The following SNTG1 variants were observed in gnomAD, a reference collection of about 807,000 sequenced individuals.
The protein encoded by SNTG1 is syntrophin gamma 1, also known as gamma-1-syntrophin.
In SNTG1, 39 loss-of-function variants were observed where a neutral mutation model predicts 74.7. That is an observed-to-expected ratio of 0.52 (90% CI 0.40 to 0.68). SNTG1 has a LOEUF of 0.68. SNTG1 is among the 30% of genes least tolerant of loss of function. The pLI is 0.00. For missense variants in SNTG1, 685 were observed against 609.5 expected (o/e 1.12, Z -1.30); for synonymous variants, 254 against 217.1 (o/e 1.17, Z -1.49).
At chr8:50,430,373 T>A (rs953168290) in intron 4 of SNTG1, among the ~76,000 whole-genome samples, 1 of 152,168 alleles carries the variant, frequency 6.6e-6, no homozygotes, top group Admixed American at 6.5e-5. Context: ...CCCCAACTAG[T>A]TTCCACAACC....
intron 1 of SNTG1, among the ~76,000 whole-genome samples, chr8:50,097,347 T>C: frequency 6.6e-6 from 1 of 152,210 alleles, no homozygotes; most frequent in South Asian, 2.1e-4. Context: ...TAGGAACTAA[T>C]AGTTTTAAAC....
intron 10 of SNTG1, 110 bp from the exon 11 acceptor site, chr8:50,536,567 CT>C: frequency 7.5e-7 from 1 of 1,331,072 alleles, no homozygotes; most frequent in East Asian, 2.3e-5. Flanking sequence ...CCATTAAAGT[CT>C]TTTGATCATT....
At chr8:50,479,829 T>A (rs928846203) in intron 8 of SNTG1, among the ~76,000 whole-genome samples, 4 of 152,186 alleles carry the variant, frequency 2.6e-5, no homozygotes, top group African/African-American at 9.7e-5. Context: ...TTGAAAAACC[T>A]GAATTGTTTT....
chr8:50,451,358 G>T (rs6990475), intron 8 of SNTG1, among the ~76,000 whole-genome samples: 166 of 152,186 alleles, frequency 1.1e-3, no homozygotes, highest in African/African-American at 3.5e-3. Flanking sequence ...CACGGGTGTT[G>T]GTATCCTCTG....
At chr8:50,290,787 C>A (rs773410786) in intron 2 of SNTG1, among the ~76,000 whole-genome samples, 1 of 151,974 alleles carries the variant, frequency 6.6e-6, no homozygotes, top group Non-Finnish European at 1.5e-5. Flanking sequence ...GAGACAGGGT[C>A]TCTGTTTGTC....
At chr8:50,664,665 G>C (rs1023532207) in intron 15 of SNTG1, among the ~76,000 whole-genome samples, 1 of 152,146 alleles carries the variant, frequency 6.6e-6, no homozygotes, top group Admixed American at 6.6e-5. Flanking sequence ...TTAGCCCAGG[G>C]ACAGCTACCA....
intron 2 of SNTG1, among the ~76,000 whole-genome samples, chr8:50,232,048 G>GA (rs994636249): frequency 6.6e-6 from 1 of 151,268 alleles, no homozygotes; most frequent in African/African-American, 2.4e-5. Flanking sequence ...ACGTCTTCCT[G>GA]AAAATGAAAG....
chr8:50,422,582 A>C (rs2093106119), intron 4 of SNTG1, among the ~76,000 whole-genome samples: 1 of 146,232 alleles, frequency 6.8e-6, no homozygotes, highest in Non-Finnish European at 1.5e-5. Flanking sequence ...ATCTCTCCAA[A>C]AGCTCATAGG....
intron 12 of SNTG1, among the ~76,000 whole-genome samples, chr8:50,564,516 G>C (rs1444464672): frequency 6.6e-6 from 1 of 151,980 alleles, no homozygotes; most frequent in South Asian, 2.1e-4. Flanking sequence ...CCCAATTCTT[G>C]TGCTGGCTGC....
intron 1 of SNTG1, among the ~76,000 whole-genome samples, chr8:50,088,757 G>T (rs1823165245): frequency 6.7e-6 from 1 of 148,322 alleles, no homozygotes; most frequent in South Asian, 2.2e-4. Flanking sequence ...AATAACAGAG[G>T]ATACAAACAA....
intron 2 of SNTG1, among the ~76,000 whole-genome samples, chr8:50,207,413 C>T (rs1033918408): frequency 6.6e-6 from 1 of 151,996 alleles, no homozygotes; most frequent in Non-Finnish European, 1.5e-5. Flanking sequence ...GAGGGGATAT[C>T]CCCTTTATCA....
chr8:50,075,047 C>T (rs573736658), intron 1 of SNTG1, among the ~76,000 whole-genome samples: 11 of 152,316 alleles, frequency 7.2e-5, no homozygotes, highest in Admixed American at 2.6e-4. Flanking sequence ...CCAGCACTGC[C>T]GGCCGCCCAC....
intron 1 of SNTG1, among the ~76,000 whole-genome samples, chr8:50,061,177 A>G (rs527272921): frequency 1.2e-4 from 18 of 152,260 alleles, no homozygotes; most frequent in African/African-American, 4.1e-4. Context: ...ATTTAAGCCT[A>G]AAGACTTTAC....
At chr8:50,745,587 TAAAC>T (rs1214216899) in intron 17 of SNTG1, among the ~76,000 whole-genome samples, 4 of 152,000 alleles carry the variant, frequency 2.6e-5, no homozygotes, top group African/African-American at 9.7e-5. Context: ...AGCAGGGACT[TAAAC>T]AGATACTTGT....
intron 2 of SNTG1, among the ~76,000 whole-genome samples, chr8:50,280,146 G>A (rs1281938734): frequency 1.3e-5 from 2 of 152,196 alleles, no homozygotes; most frequent in African/African-American, 4.8e-5. Context: ...GTGAGTGATA[G>A]GCGTGAGCCC....
chr8:50,284,767 TA>T (rs1488548555), intron 2 of SNTG1, among the ~76,000 whole-genome samples: 3 of 152,148 alleles, frequency 2.0e-5, no homozygotes, highest in Non-Finnish European at 4.4e-5. Context: ...AACTGTACAC[TA>T]AAAGATGGTA....
Position 50,553,082 on chromosome 8 carries a change from G to A in SNTG1, c.713G>A (p.Gly238Glu), listed in dbSNP as rs2094436455. The change falls in exon 12 of 19, where the codon GGG (glycine) becomes GAG (glutamate). Residue 238 changes from glycine to glutamate, a missense_variant. Coordinates refer to ENST00000642720, the MANE Select transcript of SNTG1 (RefSeq NM_018967.5). ...GCCTTTCAAGTCATTGCTGTGGATG[G>A]GGTCTGCACTGGGATTATTCAGTGC... ...QNAFQVIAVD[G>E]VCTGIIQCLS... 1 of 1,613,768 alleles carries A rather than the reference G, an allele frequency of 6.2e-7. No homozygotes were observed. Among genetic ancestry groups the A allele is most frequent in the Non-Finnish European group, 8.5e-7 (1 of 1,179,844 alleles).
chr8:50,183,486 TC>T (rs1469674807), intron 2 of SNTG1, among the ~76,000 whole-genome samples: 3 of 152,176 alleles, frequency 2.0e-5, no homozygotes, highest in African/African-American at 7.2e-5. Flanking sequence ...GCTGAAGACT[TC>T]CAGTCCTCAA....
Position 50,118,688 on chromosome 8 carries a change from G to A in SNTG1, c.-102-53873G>A, listed in dbSNP as rs918034811. Among the ~76,000 whole-genome samples, 5 of 142,092 alleles carry A rather than the reference G, an allele frequency of 3.5e-5. 2 individuals carry two copies. Among genetic ancestry groups the A allele is most frequent in the African/African-American group, 1.3e-4 (5 of 39,340 alleles). 93.2% of individuals were successfully genotyped at this position (142,092 alleles called of 152,430 possible). Reference sequence around the variant, plus strand: ...CAAGAGCCTATGAGTTGAAAACAAAGTATTATTTTCTTTTATTTTTCCTTT... The same window carrying A: ...CAAGAGCCTATGAGTTGAAAACAAAATATTATTTTCTTTTATTTTTCCTTT... On this transcript the variant is annotated intron_variant, in intron 1 of 18. Coordinates refer to ENST00000642720, the MANE Select transcript of SNTG1 (RefSeq NM_018967.5).
Sources: gnomAD v4.1 joint callset for allele counts (sites outside exome capture counted in the v4.1 genomes callset) on GRCh38, gnomAD v4.1.1 for gene constraint, MANE v1.5 for transcripts, NCBI Gene and HGNC (gene_info 2026-07-23, HGNC 2026-07-21) for gene names.